The following NHSL1 variants were observed in gnomAD, a reference collection of about 807,000 sequenced individuals.
The protein encoded by NHSL1 is NHS like 1, also known as NHS-like protein 1.
NHSL1 carries 48 observed loss-of-function variants against 95.0 expected under a neutral mutation model. The observed-to-expected ratio is 0.51, with a 90% CI of 0.40 to 0.64. The LOEUF (loss-of-function observed/expected upper bound fraction) is 0.64. Ranked by LOEUF, NHSL1 falls within the 30% of genes least tolerant of loss-of-function variation. The pLI, the probability that NHSL1 is intolerant of heterozygous loss-of-function variation, is 0.00. For missense variants in NHSL1, 1,971 were observed against 2,077.7 expected, an observed-to-expected ratio of 0.95 and a Z score of 1.00; for synonymous variants, 783 against 833.9, an observed-to-expected ratio of 0.94 and a Z score of 1.05.
intron 1 of NHSL1, among the ~76,000 whole-genome samples, chr6:138,631,307 A>T (rs1784816736): frequency 6.6e-6 from 1 of 152,144 alleles, no homozygotes; most frequent in Non-Finnish European, 1.5e-5. Context: ...TACAACTTCT[A>T]GGCAAGTCGT....
At position 138,568,829 on chromosome 6, in the gene NHSL1, C is replaced by T. The variant is rs147081848; in HGVS notation, c.202+2881G>A. Among the ~76,000 whole-genome samples, 358 of 152,154 alleles carry T rather than the reference C, an allele frequency of 2.4e-3. 1 individual carries two copies. Among genetic ancestry groups the T allele is most frequent in the African/African-American group, 8.3e-3 (344 of 41,494 alleles). On this transcript the variant is annotated intron_variant, in intron 1 of 6. Coordinates refer to the NHSL1 transcript ENST00000427025. ...GAAAATCAAGCACTATAATTTTATC[C>T]CTAGTTTCTTGACATTAAATCATAA... is the stretch of plus-strand genomic sequence containing the variant.
intron 1 of NHSL1, among the ~76,000 whole-genome samples, chr6:138,532,699 C>T (rs915232947): frequency 6.6e-6 from 1 of 152,156 alleles, no homozygotes; most frequent in African/African-American, 2.4e-5. Flanking sequence ...AGTTAGGTGG[C>T]TTATTCTGAG....
At chr6:138,477,599 C>A (rs1349249564) in intron 2 of NHSL1, among the ~76,000 whole-genome samples, 1 of 151,784 alleles carries the variant, frequency 6.6e-6, no homozygotes, top group Non-Finnish European at 1.5e-5. Flanking sequence ...CAAGACCATG[C>A]CTCTAAAATG....
rs143295841 is a variant in NHSL1 at position 138,426,854 on chromosome 6, C to T, written c.4086-2038G>A. On this transcript the variant is annotated intron_variant, in intron 7 of 7. Coordinates refer to ENST00000343505, the MANE Select transcript of NHSL1 (RefSeq NM_001144060.2). ...TTTCATGGTCCCACTCAGTAGTTAA[C>T]AAGAGCAGTCTGCCCTGATAAGAGT... is the stretch of plus-strand genomic sequence containing the variant. Among the ~76,000 whole-genome samples, 277 of 152,304 alleles carry T rather than the reference C, an allele frequency of 1.8e-3. 1 individual carries two copies. Among genetic ancestry groups the T allele is most frequent in the African/African-American group, 6.5e-3 (270 of 41,560 alleles).
Position 138,425,724 on chromosome 6 carries a change from C to T in NHSL1, c.4086-908G>A, listed in dbSNP as rs75882246. Among the ~76,000 whole-genome samples, 674 of 152,288 alleles carry T rather than the reference C, an allele frequency of 4.4e-3. 6 individuals are homozygous for T. Among genetic ancestry groups the T allele is most frequent in the African/African-American group, 0.016 (652 of 41,550 alleles). On this transcript the variant is annotated intron_variant, in intron 7 of 7. Transcript: ENST00000343505. The stretch of plus-strand genomic sequence containing the variant: ...ATCCCCTGTACTAAGATGTACCCCA[C>T]TCCAGGTCCTAGAACAACTCCTCAG...
chr6:138,621,741 C>CA lies in NHSL1; in HGVS notation c.96+70734dup, dbSNP rs201634346. Among the ~76,000 whole-genome samples, 294 of 151,710 alleles carry CA rather than the reference C, an allele frequency of 1.9e-3. 4 individuals are homozygous for CA. Among genetic ancestry groups the CA allele is most frequent in the East Asian group, 0.014 (73 of 5,158 alleles). On this transcript the variant is annotated intron_variant, in intron 1 of 3. Transcript: ENST00000491526. ...CCTCAAATGTGATTGATTAGCTATC[C>CA]AAAAAAAATATGCATGCAAACCAAA...
chr6:138,526,223 C>A (rs1781900567), intron 1 of NHSL1, among the ~76,000 whole-genome samples: 1 of 152,160 alleles, frequency 6.6e-6, no homozygotes, highest in Admixed American at 6.6e-5. Flanking sequence ...TGGCTCACAC[C>A]TGTAATCCCA....
Position 138,604,804 on chromosome 6 carries a change from T to G in NHSL1, c.96+87672A>C, listed in dbSNP as rs1263592453. ...CCAAGCCTGGCTAATTTTTGTATTT[T>G]TAGTAGAGACGGGGTTTCACCATGT... is the stretch of plus-strand genomic sequence containing the variant. On this transcript the variant is annotated intron_variant, in intron 1 of 3. Coordinates refer to the NHSL1 transcript ENST00000491526. Among the ~76,000 whole-genome samples the G allele has an allele frequency of 2.0e-5, 3 of 152,008 alleles. No individual in the cohort carries two copies. The East Asian group carries it at 5.8e-4, about 29-fold the overall frequency.
intron 1 of NHSL1, among the ~76,000 whole-genome samples, chr6:138,631,266 TA>T (rs1427737229): frequency 1.3e-5 from 2 of 152,152 alleles, no homozygotes; most frequent in African/African-American, 2.4e-5. Context: ...GGGCTCACCA[TA>T]AACGTTAAGG....
At chr6:138,445,562 A>T (rs1044175783) in intron 4 of NHSL1, among the ~76,000 whole-genome samples, 10 of 152,342 alleles carry the variant, frequency 6.6e-5, no homozygotes, top group Non-Finnish European at 1.3e-4. Flanking sequence ...CTGAATTGAA[A>T]ATAATTCATG....
intron 2 of NHSL1, among the ~76,000 whole-genome samples, chr6:138,483,734 C>T (rs1027331751): frequency 2.0e-5 from 3 of 152,136 alleles, no homozygotes; most frequent in African/African-American, 7.2e-5. Flanking sequence ...CAAATCTCTC[C>T]ACGCCCTGAA....
At chr6:138,630,999 C>T (rs918074655) in intron 1 of NHSL1, among the ~76,000 whole-genome samples, 2 of 152,170 alleles carry the variant, frequency 1.3e-5, no homozygotes, top group Non-Finnish European at 2.9e-5. Flanking sequence ...TCACAGATGC[C>T]ATCCCTCCAC....
chr6:138,503,167 C>T (rs147362695), upstream of NHSL1, among the ~76,000 whole-genome samples: 732 of 152,234 alleles, frequency 4.8e-3, 6 homozygotes, highest in African/African-American at 0.017. Context: ...TTTCTCCTCA[C>T]CTTCCTAATG....
At chr6:138,531,948 T>C (rs1414182394) in intron 1 of NHSL1, among the ~76,000 whole-genome samples, 1 of 152,220 alleles carries the variant, frequency 6.6e-6, no homozygotes, top group Non-Finnish European at 1.5e-5. Context: ...ACAATACACA[T>C]TCCCTACCCT....
chr6:138,525,783 A>G (rs112363133), intron 1 of NHSL1, among the ~76,000 whole-genome samples: 5 of 152,058 alleles, frequency 3.3e-5, no homozygotes, highest in African/African-American at 7.2e-5. Flanking sequence ...GAAGGCTTTT[A>G]GAAAAAAGAA....
intron 1 of NHSL1, among the ~76,000 whole-genome samples, chr6:138,537,989 G>A (rs1339070909): frequency 1.3e-5 from 2 of 152,150 alleles, no homozygotes; most frequent in African/African-American, 4.8e-5. Context: ...AACACGCAAT[G>A]AAATAACACA....
intron 1 of NHSL1, among the ~76,000 whole-genome samples, chr6:138,544,501 A>C (rs1305932484): frequency 1.3e-5 from 2 of 152,150 alleles, no homozygotes. Context: ...CAAGTTCAAT[A>C]TTAAAGACTG....
intron 3 of NHSL1, among the ~76,000 whole-genome samples, chr6:138,470,209 T>C (rs1475909488): frequency 6.6e-6 from 1 of 152,150 alleles, no homozygotes; most frequent in Non-Finnish European, 1.5e-5. Flanking sequence ...AAAGGAAAAA[T>C]ACAAGTTCCC....
At chr6:138,692,974 G>A (rs1370018264), upstream of NHSL1, among the ~76,000 whole-genome samples, 1 of 151,016 alleles carries the variant, frequency 6.6e-6, no homozygotes, top group African/African-American at 2.4e-5. The surrounding 1 kb of genome is among the most constrained non-coding windows in gnomAD (Gnocchi z 4.0). Context: ...GGCGGCGCGG[G>A]GCAGGAATGG....
Sources: gnomAD v4.1 joint callset for allele counts (sites outside exome capture counted in the v4.1 genomes callset) on GRCh38, gnomAD v4.1.1 for gene constraint, Gnocchi (gnomAD v3.1) non-coding constraint, MANE v1.5 for transcripts, NCBI Gene and HGNC (gene_info 2026-07-23, HGNC 2026-07-21) for gene names.